Variants in KIAA0825 observed in about 807,000 individuals in gnomAD.
KIAA0825 encodes the protein uncharacterized protein KIAA0825.
KIAA0825 carries 119 observed loss-of-function variants against 147.6 expected under a neutral mutation model. The observed-to-expected ratio is 0.81, with a 90% CI of 0.69 to 0.94. KIAA0825 has a LOEUF of 0.94. Ranked by LOEUF, KIAA0825 falls within the 40% of genes least tolerant of loss-of-function variation. The pLI is 0.00. For synonymous variants in KIAA0825, 470 were observed against 518.1 expected (o/e 0.91, Z 1.26); for missense variants, 1,381 against 1,472.7 (o/e 0.94, Z 1.02).
chr5:94,479,366 T>C (rs1762242217), intron 6 of KIAA0825, among the ~76,000 whole-genome samples: 1 of 152,166 alleles, frequency 6.6e-6, no homozygotes. Context: ...CTTTTCACAT[T>C]GGCTTCTTTC....
intron 20 of KIAA0825, among the ~76,000 whole-genome samples, chr5:94,342,335 A>AT (rs779702838): frequency 2.6e-5 from 4 of 152,228 alleles, no homozygotes; most frequent in Non-Finnish European, 4.4e-5. Context: ...ATACTGTTAA[A>AT]TTAATTAACA....
chr5:94,407,601 T>C (rs921998145), intron 15 of KIAA0825, among the ~76,000 whole-genome samples: 1 of 152,172 alleles, frequency 6.6e-6, no homozygotes, highest in Non-Finnish European at 1.5e-5. Context: ...AAAATGCACA[T>C]ACTGCATGAT....
intron 20 of KIAA0825, among the ~76,000 whole-genome samples, chr5:94,325,026 A>C (rs1780544642): frequency 1.3e-5 from 2 of 152,010 alleles, no homozygotes; most frequent in African/African-American, 4.8e-5. Context: ...CAGGATTACA[A>C]ATATAAGACA....
rs187294188 is a variant in KIAA0825, at chr5:94,236,292, T to C, written c.3711-82168A>G. On this transcript the variant is annotated intron_variant, in intron 20 of 20. Transcript: ENST00000682413. The stretch of plus-strand genomic sequence containing the variant: ...TTGGAAGAAGTTGATTCCAACTCTT[T>C]GAGATGTTTAGGACTTCAGTGGAGG... 3.9e-5 allele frequency among the ~76,000 whole-genome samples: 6 copies of C among 152,264 alleles called. No homozygotes were observed. In the East Asian group the frequency reaches 9.7e-4, roughly 25 times the overall value.
At chr5:94,497,013 G>A (rs1402510916) in intron 5 of KIAA0825, among the ~76,000 whole-genome samples, 2 of 152,054 alleles carry the variant, frequency 1.3e-5, no homozygotes, top group African/African-American at 4.8e-5. Flanking sequence ...TTCCCTATTG[G>A]GATTAATAGG....
intron 1 of KIAA0825, among the ~76,000 whole-genome samples, chr5:94,609,381 T>C (rs1788263808): frequency 6.6e-6 from 1 of 152,218 alleles, no homozygotes; most frequent in African/African-American, 2.4e-5. Context: ...AAGCTGTTTT[T>C]GTTAACATGT....
intron 20 of KIAA0825, among the ~76,000 whole-genome samples, chr5:94,250,756 T>C (rs1188740828): frequency 4.6e-5 from 7 of 152,126 alleles, no homozygotes; most frequent in Non-Finnish European, 7.4e-5. Context: ...TTTCATAATT[T>C]ATAGCTACAA....
intron 14 of KIAA0825, among the ~76,000 whole-genome samples, chr5:94,431,502 T>C (rs1246143140): frequency 6.6e-6 from 1 of 152,150 alleles, no homozygotes; most frequent in Non-Finnish European, 1.5e-5. Flanking sequence ...AAATACCAAT[T>C]ACGTCAATTA....
At chr5:94,300,284 T>A (rs1474338206) in intron 20 of KIAA0825, among the ~76,000 whole-genome samples, 2 of 152,106 alleles carry the variant, frequency 1.3e-5, no homozygotes, top group Non-Finnish European at 2.9e-5. Flanking sequence ...TGATAACAGA[T>A]CTAGTTATTC....
At chr5:94,319,677 A>G (rs537192148) in intron 20 of KIAA0825, among the ~76,000 whole-genome samples, 1 of 151,886 alleles carries the variant, frequency 6.6e-6, no homozygotes, top group South Asian at 2.1e-4. Context: ...TTAACTCAGG[A>G]TCTTCAAAAT....
intron 20 of KIAA0825, among the ~76,000 whole-genome samples, chr5:94,310,189 A>T (rs1779035506): frequency 6.6e-6 from 1 of 151,718 alleles, no homozygotes; most frequent in African/African-American, 2.4e-5. Context: ...AGGTAGCTTT[A>T]TCTCTATTTC....
Position 94,403,650 on chromosome 5 carries a change from C to A in KIAA0825, c.2806G>T (p.Val936Phe). The change falls in exon 16 of 21, where the codon GTT becomes TTT. Residue 936 changes from valine (V) to phenylalanine (F), a missense_variant. Physicochemically the swap from Val to Phe is conservative, Grantham distance 50. Coordinates refer to ENST00000682413, the MANE Select transcript of KIAA0825 (RefSeq NM_001145678.3). ...ATGCTCTCAAGCAAACAATCAGGAACAATGTGCTTGTTTAGGTTTGTCTCA... is the reference window on the plus strand; with the variant it reads ...ATGCTCTCAAGCAAACAATCAGGAAAAATGTGCTTGTTTAGGTTTGTCTCA... Reference protein sequence around the residue: ...NCETNLNKHIVPDCLLESMPK... With the variant: ...NCETNLNKHIFPDCLLESMPK... 7 of 1,551,564 alleles carry A rather than the reference C, an allele frequency of 4.5e-6. No individual in the cohort carries two copies. The highest frequency in any genetic ancestry group is 6.1e-6 in the Non-Finnish European group (7 of 1,146,890).
chr5:94,289,078 C>A (rs564580250), intron 20 of KIAA0825, among the ~76,000 whole-genome samples: 2 of 152,076 alleles, frequency 1.3e-5, no homozygotes, highest in Non-Finnish European at 2.9e-5. Context: ...TTTGCAGTAC[C>A]CTTTTGTGTA....
chr5:94,339,156 T>A (rs575567274), intron 20 of KIAA0825, among the ~76,000 whole-genome samples: 1 of 152,286 alleles, frequency 6.6e-6, no homozygotes, highest in African/African-American at 2.4e-5. Flanking sequence ...CAGGTACCAT[T>A]TTCTTCTAAA....
chr5:94,390,634 T>C (rs894915881), intron 18 of KIAA0825, among the ~76,000 whole-genome samples: 1 of 152,202 alleles, frequency 6.6e-6, no homozygotes, highest in Non-Finnish European at 1.5e-5. Flanking sequence ...GTTTGATCTA[T>C]GAAATCCAGG....
At chr5:94,504,295 G>C (rs1274853448) in intron 5 of KIAA0825, among the ~76,000 whole-genome samples, 1 of 152,148 alleles carries the variant, frequency 6.6e-6, no homozygotes, top group South Asian at 2.1e-4. Flanking sequence ...AGTGAACATT[G>C]TGAAGCACCT....
chr5:94,198,857 T>C (rs1771393565), intron 20 of KIAA0825, among the ~76,000 whole-genome samples: 2 of 152,222 alleles, frequency 1.3e-5, no homozygotes, highest in Non-Finnish European at 2.9e-5. Context: ...ACACTTTCAA[T>C]TGTATTATGA....
intron 20 of KIAA0825, among the ~76,000 whole-genome samples, chr5:94,290,306 C>A (rs376238314): frequency 6.6e-6 from 1 of 152,162 alleles, no homozygotes; most frequent in East Asian, 1.9e-4. Context: ...CCCAACAGAC[C>A]CTGGTGTGTG....
At chr5:94,509,756 A>T (rs1362795381) in intron 5 of KIAA0825, among the ~76,000 whole-genome samples, 4 of 152,196 alleles carry the variant, frequency 2.6e-5, no homozygotes, top group African/African-American at 9.6e-5. Flanking sequence ...TAACTATTAA[A>T]TCTTAAAGAG....
Sources: allele counts gnomAD v4.1 joint callset (sites outside exome capture counted in the v4.1 genomes callset), GRCh38; gene constraint gnomAD v4.1.1; transcripts MANE v1.5; gene names NCBI Gene and HGNC (gene_info 2026-07-23, HGNC 2026-07-21).